GLDN: variants seen among roughly 807,000 people sequenced by gnomAD.
GLDN encodes gliomedin.
Under a neutral mutation model 56.5 loss-of-function variants are expected in GLDN, and 47 were observed. The ratio of observed to expected loss-of-function variants is 0.83; its 90% CI spans 0.66 to 1.06. GLDN has a LOEUF of 1.06. GLDN is among the 50% of genes least tolerant of loss of function. The probability of loss-of-function intolerance (pLI) is 0.00; values close to 1 mark genes in which losing one functional copy is unlikely to be tolerated. For missense variants in GLDN, 782 were observed against 714.3 expected (o/e 1.09, Z -1.08); for synonymous variants, 332 against 278.8 (o/e 1.19, Z -1.90).
chr15:51,365,832 T>G (rs2037389747), intron 1 of GLDN, among the ~76,000 whole-genome samples: 1 of 152,218 alleles, frequency 6.6e-6, no homozygotes, highest in African/African-American at 2.4e-5. Flanking sequence ...CCTCAAGATC[T>G]CAAGATCAGG....
chr15:51,369,832 C>CA (rs2037479017), intron 1 of GLDN, among the ~76,000 whole-genome samples: 1 of 152,118 alleles, frequency 6.6e-6, no homozygotes, highest in African/African-American at 2.4e-5. Flanking sequence ...CTGAGCAGTA[C>CA]AAAAAAGTAG....
At chr15:51,343,455 A>G (rs1027223038) in intron 1 of GLDN, among the ~76,000 whole-genome samples, 2 of 152,258 alleles carry the variant, frequency 1.3e-5, no homozygotes, top group African/African-American at 4.8e-5. Context: ...ACATCTGAGC[A>G]TCATTGTTTT....
At chr15:51,375,287 A>G (rs749520710) in intron 1 of GLDN, among the ~76,000 whole-genome samples, 1 of 152,206 alleles carries the variant, frequency 6.6e-6, no homozygotes, top group Non-Finnish European at 1.5e-5. Context: ...TGTTTAGTAC[A>G]GCTCCCTTCC....
chr15:51,355,522 TTTC>T (rs201237796), intron 1 of GLDN, among the ~76,000 whole-genome samples: 36 of 144,488 alleles, frequency 2.5e-4, no homozygotes, highest in Admixed American at 7.1e-4. Flanking sequence ...TTTTTCTTTC[TTTC>T]TTTTTTTTTT....
intron 5 of GLDN, 141 bp downstream of exon 5, chr15:51,395,122 C>A: frequency 1.2e-6 from 1 of 826,180 alleles, no homozygotes; most frequent in Non-Finnish European, 1.8e-6. Context: ...TTTTGGAGTT[C>A]TATGCTTTCA....
intron 2 of GLDN, among the ~76,000 whole-genome samples, chr15:51,381,481 C>G (rs1474354515): frequency 6.6e-6 from 1 of 152,142 alleles, no homozygotes; most frequent in East Asian, 1.9e-4. Flanking sequence ...ACCATTTTAG[C>G]CAGCCATTTT....
intron 1 of GLDN, among the ~76,000 whole-genome samples, chr15:51,345,777 T>A (rs183509801): frequency 2.0e-5 from 3 of 152,304 alleles, no homozygotes; most frequent in Admixed American, 2.0e-4. Context: ...GGGAAAATGG[T>A]CTAAATATGT....
chr15:51,408,476 C>A (rs1394720975), downstream of GLDN, among the ~76,000 whole-genome samples: 1 of 152,180 alleles, frequency 6.6e-6, no homozygotes, highest in Non-Finnish European at 1.5e-5. Flanking sequence ...CAGTTTTTGG[C>A]AAATTATAAT....
chr15:51,372,964 T>A (rs2141081431), intron 1 of GLDN, among the ~76,000 whole-genome samples: 1 of 152,134 alleles, frequency 6.6e-6, no homozygotes, highest in East Asian at 1.9e-4. Context: ...GGCAAGAGAG[T>A]GAACTCAAGC....
chr15:51,381,338 C>T (rs1367496985), intron 2 of GLDN, among the ~76,000 whole-genome samples: 5 of 152,128 alleles, frequency 3.3e-5, no homozygotes, highest in East Asian at 1.9e-4. Flanking sequence ...CTCCCTCTGT[C>T]GTCGCGAACG....
intron 1 of GLDN, among the ~76,000 whole-genome samples, chr15:51,365,929 T>G (rs995787909): frequency 6.6e-6 from 1 of 152,178 alleles, no homozygotes; most frequent in Non-Finnish European, 1.5e-5. Flanking sequence ...AAAACAGAGA[T>G]AAAAAGAGCC....
At chr15:51,375,565 G>A (rs2037612418) in intron 1 of GLDN, among the ~76,000 whole-genome samples, 1 of 152,218 alleles carries the variant, frequency 6.6e-6, no homozygotes, top group African/African-American at 2.4e-5. Flanking sequence ...GCAGTGTGGA[G>A]AATGGGAAGG....
intron 1 of GLDN, among the ~76,000 whole-genome samples, chr15:51,359,234 A>T (rs1315408167): frequency 1.3e-5 from 2 of 152,238 alleles, no homozygotes; most frequent in African/African-American, 4.8e-5. Context: ...AAACAGATCA[A>T]ACCGGACCTA....
intron 1 of GLDN, among the ~76,000 whole-genome samples, chr15:51,365,783 G>GTTCTTC (rs149441311): frequency 6.6e-6 from 1 of 152,050 alleles, no homozygotes; most frequent in Non-Finnish European, 1.5e-5. Context: ...TCATTCTTGG[G>GTTCTTC]TTCTTCTTCT....
At chr15:51,346,004 C>A (rs1009199062) in intron 1 of GLDN, among the ~76,000 whole-genome samples, 4 of 152,008 alleles carry the variant, frequency 2.6e-5, no homozygotes, top group Non-Finnish European at 5.9e-5. Flanking sequence ...ATATACTTAC[C>A]TTTTGTGTTA....
At chr15:51,370,926 C>T (rs1032607346) in intron 1 of GLDN, among the ~76,000 whole-genome samples, 9 of 151,812 alleles carry the variant, frequency 5.9e-5, no homozygotes, top group South Asian at 2.1e-4. Flanking sequence ...TGCCTCAAGC[C>T]GGAGGTTGCA....
rs2038382512 is a variant in GLDN, at chr15:51,406,336, A to G, written c.*1582A>G. The G allele has an allele frequency of 6.6e-6, 1 of 152,150 alleles. No individual in the cohort carries two copies. Among genetic ancestry groups the G allele is most frequent in the African/African-American group, 2.4e-5 (1 of 41,420 alleles). 9.4% of individuals were successfully genotyped at this position (152,150 alleles called of 1,614,324 possible). A position where few individuals can be genotyped will look rare whatever the true frequency, so the allele number is the denominator to read the frequency against. On this transcript the variant is annotated 3_prime_UTR_variant, in exon 10 of 10. Coordinates refer to ENST00000335449, the MANE Select transcript of GLDN (RefSeq NM_181789.4). ...CCGGGAAGGGCCACTGCGAATAGAG[A>G]GGAAGCTGGAAAAGTTCCTGGGGCT...
downstream of GLDN, among the ~76,000 whole-genome samples, chr15:51,409,238 C>A (rs2038438176): frequency 6.6e-6 from 1 of 151,570 alleles, no homozygotes; most frequent in Non-Finnish European, 1.5e-5. Context: ...TAAAACTCCC[C>A]AAATAATGAA....
rs1250673418 is a variant in GLDN, at chr15:51,341,977, G to C, written c.293G>C (p.Gly98Ala). ...GCTCGCAACAAGCGCAGCCACAGCG[G>C]CGAGCCCGCGCCGCATATCCGCGCC... is the stretch of plus-strand genomic sequence containing the variant. ...SSARNKRSHS[G>A]EPAPHIRAES... The change falls in exon 1 of 10, where the codon GGC (glycine) becomes GCC (alanine). Residue 98 changes from glycine (G) to alanine (A), a missense_variant. By Grantham distance (60) the Gly-to-Ala change is moderately conservative. Transcript: ENST00000335449. The C allele has an allele frequency of 1.9e-6, 3 of 1,597,544 alleles. No individual in the cohort carries two copies. The highest frequency in any genetic ancestry group is 2.7e-5 in the African/African-American group (2 of 74,852).
Sources: gnomAD v4.1 joint callset for allele counts (sites outside exome capture counted in the v4.1 genomes callset) on GRCh38, gnomAD v4.1.1 for gene constraint, MANE v1.5 for transcripts, NCBI Gene and HGNC (gene_info 2026-07-23, HGNC 2026-07-21) for gene names.